Variants in IRS1 observed in about 807,000 individuals in gnomAD.
IRS1 encodes the protein insulin receptor substrate 1.
IRS1 carries 34 observed loss-of-function variants against 65.6 expected under a neutral mutation model. The observed-to-expected ratio is 0.52, with a 90% CI of 0.39 to 0.69. IRS1 has a LOEUF of 0.69. IRS1 is among the 30% of genes least tolerant of loss of function. The probability of loss-of-function intolerance (pLI) is 0.00; values close to 1 mark genes in which losing one functional copy is unlikely to be tolerated. For synonymous variants in IRS1, 699 were observed against 683.5 expected, an observed-to-expected ratio of 1.02 and a Z score of -0.35; for missense variants, 1,641 against 1,720.2, an observed-to-expected ratio of 0.95 and a Z score of 0.81.
At chr2:226,767,454 A>G (rs926546975) in intron 1 of IRS1, among the ~76,000 whole-genome samples, 6 of 152,204 alleles carry the variant, frequency 3.9e-5, no homozygotes, top group African/African-American at 1.4e-4. Context: ...GGAGGCTTAA[A>G]ATGAGCACCT....
intron 1 of IRS1, among the ~76,000 whole-genome samples, chr2:226,754,619 A>G (rs1336552070): frequency 1.3e-5 from 2 of 152,228 alleles, no homozygotes; most frequent in African/African-American, 2.4e-5. Context: ...AGACAATGCT[A>G]TAAAAAGCAT....
At position 226,797,724 on chromosome 2, in the gene IRS1, G is replaced by C. The variant is rs781722234; in HGVS notation, c.1015C>G (p.Pro339Ala). The C allele has an allele frequency of 6.3e-7, 1 of 1,597,894 alleles. No homozygotes were observed. The highest frequency in any genetic ancestry group is 1.1e-5 in the South Asian group (1 of 90,700). Residue 339 changes from proline (P) to alanine (A), a missense_variant, in exon 1 of 2, where the codon CCA becomes GCA. By Grantham distance (27) the Pro-to-Ala change is conservative. Coordinates refer to ENST00000305123, the MANE Select transcript of IRS1 (RefSeq NM_005544.3). The surrounding 1 kb of genome is among the most constrained non-coding windows in gnomAD (Gnocchi z 8.1). ...SSDGEGTMSRPASVDGSPVSP... is the reference protein window; with the variant it reads ...SSDGEGTMSRAASVDGSPVSP... ...ACAGGGCTGCCGTCCACCGAGGCTG[G>C]GCGGGACATGGTGCCTTCGCCGTCA...
At chr2:226,750,982 C>T (rs1187771979) in intron 1 of IRS1, among the ~76,000 whole-genome samples, 1 of 152,102 alleles carries the variant, frequency 6.6e-6, no homozygotes, top group Non-Finnish European at 1.5e-5. Flanking sequence ...AGGAGGAAAC[C>T]TACTATTTAA....
chr2:226,797,040 G>A lies in IRS1; in HGVS notation c.1699C>T (p.Arg567Ter). The A allele has an allele frequency of 1.2e-6, 2 of 1,607,912 alleles. No individual in the cohort carries two copies. The highest frequency in any genetic ancestry group is 1.7e-6 in the Non-Finnish European group (2 of 1,175,792). Residue 567 changes from arginine to a stop codon, truncating the protein, a stop_gained, in exon 1 of 2, where the codon CGA (arginine) becomes TGA (stop). Transcript: ENST00000305123. LOFTEE classifies it high-confidence loss of function. This position sits in a 1 kb window ranked among gnomAD's most constrained non-coding sequence, Gnocchi z 8.1. ...GCGGAGTGCCTGTGTCCCGGCAGTCGGCCTCCACTGCCACCTCCTGGTGGG... is the reference window on the plus strand; with the variant it reads ...GCGGAGTGCCTGTGTCCCGGCAGTCAGCCTCCACTGCCACCTCCTGGTGGG... The part of the protein sequence containing the change: ...AYPPGGGSGG[R>*]LPGHRHSAFV...
intron 1 of IRS1, among the ~76,000 whole-genome samples, chr2:226,763,971 T>G (rs2106168107): frequency 6.6e-6 from 1 of 152,240 alleles, no homozygotes; most frequent in African/African-American, 2.4e-5. Flanking sequence ...TGTATGACCG[T>G]TGTATAGTAA....
chr2:226,788,735 A>G (rs1238688892), intron 1 of IRS1, among the ~76,000 whole-genome samples: 4 of 152,228 alleles, frequency 2.6e-5, no homozygotes, highest in African/African-American at 9.6e-5. Flanking sequence ...ACTATGTCAT[A>G]TTAGTTTGAA....
intron 1 of IRS1, among the ~76,000 whole-genome samples, chr2:226,747,382 G>C (rs1255747701): frequency 6.6e-6 from 1 of 152,046 alleles, no homozygotes; most frequent in Non-Finnish European, 1.5e-5. Context: ...TCATGGGTGG[G>C]ATAAGTGCCC....
In IRS1 at chr2:226,795,449, C is replaced by G; in HGVS notation, c.3290G>C (p.Arg1097Pro). 6.2e-7 allele frequency: 1 copy of G among 1,613,576 alleles called. No homozygotes were observed. Among genetic ancestry groups the G allele is most frequent in the Non-Finnish European group, 8.5e-7 (1 of 1,180,018 alleles). Residue 1097 changes from arginine to proline, a missense_variant, in exon 1 of 2, where the codon CGG becomes CCG. Physicochemically the swap from Arg to Pro is moderately radical, Grantham distance 103. Coordinates refer to ENST00000305123, the MANE Select transcript of IRS1 (RefSeq NM_005544.3). ...VIRADPQGCR[R>P]RHSSETFSST... The stretch of plus-strand genomic sequence containing the variant: ...GGAGAAAGTCTCGGAGCTATGCCTC[C>G]GCCGGCACCCTTGTGGGTCTGCACG...
rs762233329 is a variant in IRS1 at position 226,795,386 on chromosome 2, G to A, written c.3353C>T (p.Pro1118Leu). ...CCCTACTGCTGCCCCCGCTCCAAAG[G>A]GCACTGTGTTGCCCACCCGGGTGGC... is the stretch of plus-strand genomic sequence containing the variant. ...PSATRVGNTV[P>L]FGAGAAVGGG... Residue 1118 changes from proline to leucine, a missense_variant, in exon 1 of 2, where the codon CCC becomes CTC. Coordinates refer to ENST00000305123, the MANE Select transcript of IRS1 (RefSeq NM_005544.3). The A allele has an allele frequency of 4.0e-5, 65 of 1,613,286 alleles. No homozygotes were observed. The South Asian group carries it at 7.1e-4, about 18-fold the overall frequency.
chr2:226,756,958 CTAAT>C (rs1033827811), intron 1 of IRS1, among the ~76,000 whole-genome samples: 4 of 137,426 alleles, frequency 2.9e-5, no homozygotes, highest in Admixed American at 7.4e-5. Flanking sequence ...GAGACTCCGT[CTAAT>C]AAATAAATAA....
rs971687069 is a variant in IRS1 at position 226,798,641 on chromosome 2, C to G, written c.98G>C (p.Arg33Pro). 2 of 1,612,918 alleles carry G rather than the reference C, an allele frequency of 1.2e-6. No individual in the cohort carries two copies. The highest frequency in any genetic ancestry group is 1.7e-6 in the Non-Finnish European group (2 of 1,179,570). Residue 33 changes from arginine (R) to proline (P), a missense_variant, in exon 1 of 2, where the codon CGC becomes CCC. By Grantham distance (103) the Arg-to-Pro change is moderately radical. Coordinates refer to ENST00000305123, the MANE Select transcript of IRS1 (RefSeq NM_005544.3). This position sits in a 1 kb window ranked among gnomAD's most constrained non-coding sequence, Gnocchi z 9.4. ...KSMHKRFFVL[R>P]AASEAGGPAR... Reference sequence around the variant, plus strand: ...CGGGCCCCCAGCCTCGCTGGCCGCGCGCAGTACGAAGAAGCGTTTGTGCAT... The same window carrying G: ...CGGGCCCCCAGCCTCGCTGGCCGCGGGCAGTACGAAGAAGCGTTTGTGCAT...
At chr2:226,785,140 C>T (rs932850833) in intron 1 of IRS1, among the ~76,000 whole-genome samples, 12 of 152,106 alleles carry the variant, frequency 7.9e-5, no homozygotes, top group Non-Finnish European at 1.2e-4. Context: ...CATTGGTATC[C>T]AGAAAGTCTT....
intron 1 of IRS1, among the ~76,000 whole-genome samples, chr2:226,741,576 T>C (rs1938436963): frequency 6.6e-6 from 1 of 152,048 alleles, no homozygotes; most frequent in African/African-American, 2.4e-5. Flanking sequence ...TATTCTGTCT[T>C]CCCACGTCTG....
intron 1 of IRS1, among the ~76,000 whole-genome samples, chr2:226,781,489 G>A (rs1939380982): frequency 6.6e-6 from 1 of 152,156 alleles, no homozygotes; most frequent in Non-Finnish European, 1.5e-5. Context: ...AGGAGCCAGT[G>A]AATTAGATCG....
rs1939832692 is a variant in IRS1 at position 226,799,098 on chromosome 2, A to C, written c.-360T>G. The C allele has an allele frequency of 1.7e-6, 2 of 1,205,394 alleles. No individual in the cohort carries two copies. The highest frequency in any genetic ancestry group is 1.0e-6 in the Non-Finnish European group (1 of 952,962). The allele number at this position is 1,205,394 out of a possible 1,614,324, so 74.7% of individuals were successfully genotyped here. A position where few individuals can be genotyped will look rare whatever the true frequency, so the allele number is the denominator to read the frequency against. On this transcript the variant is annotated 5_prime_UTR_variant, in exon 1 of 2. Coordinates refer to ENST00000305123, the MANE Select transcript of IRS1 (RefSeq NM_005544.3). The surrounding 1 kb of genome is among the most constrained non-coding windows in gnomAD (Gnocchi z 6.1). ...CGTCGCCCCGGCTGGAGTCCGGCAC[A>C]GGGAGGCGACAGTCGGGGGTCCCTG...
At chr2:226,765,322 G>A (rs563125549) in intron 1 of IRS1, among the ~76,000 whole-genome samples, 63 of 152,284 alleles carry the variant, frequency 4.1e-4, no homozygotes, top group Non-Finnish European at 8.7e-4. Context: ...ATGGAAATTA[G>A]AGACAAGATA....
rs745943416 is a variant in IRS1, at chr2:226,797,411, C to T, written c.1328G>A (p.Arg443His). Residue 443 changes from arginine (R) to histidine (H), a missense_variant, in exon 1 of 2, where the codon CGC becomes CAC. Around this residue, in one of 3 missense-constraint regions of IRS1, gnomAD observed 1,324 missense variants for 1,361.0 expected, o/e 0.97. Coordinates refer to ENST00000305123, the MANE Select transcript of IRS1 (RefSeq NM_005544.3). The surrounding 1 kb of genome is among the most constrained non-coding windows in gnomAD (Gnocchi z 8.1). Reference protein sequence around the residue: ...SSPCDFRSSFRSVTPDSLGHT... With the variant: ...SSPCDFRSSFHSVTPDSLGHT... ...GCCCAGGGAATCCGGAGTGACACTG[C>T]GGAAGGAACTCCGGAAATCGCAGGG... 7 of 1,612,140 alleles carry T rather than the reference C, an allele frequency of 4.3e-6. No homozygotes were observed. The East Asian group carries it at 6.7e-5, about 15-fold the overall frequency.
chr2:226,776,377 G>A (rs1488096195), intron 1 of IRS1, among the ~76,000 whole-genome samples: 1 of 151,984 alleles, frequency 6.6e-6, no homozygotes, highest in Non-Finnish European at 1.5e-5. Context: ...TTCGGGTGGG[G>A]GTGGGTAGAT....
chr2:226,754,610 G>C (rs1355528360), intron 1 of IRS1, among the ~76,000 whole-genome samples: 1 of 152,130 alleles, frequency 6.6e-6, no homozygotes, highest in Non-Finnish European at 1.5e-5. Context: ...AAAATTTATA[G>C]ACAATGCTAT....
Sources: gnomAD v4.1 joint callset for allele counts (sites outside exome capture counted in the v4.1 genomes callset) on GRCh38, gnomAD v4.1.1 for gene constraint, gnomAD v4.1.1 regional missense constraint, Gnocchi (gnomAD v3.1) non-coding constraint, MANE v1.5 for transcripts, NCBI Gene and HGNC (gene_info 2026-07-23, HGNC 2026-07-21) for gene names.